The following CLIC5 variants were observed in gnomAD, a reference collection of about 807,000 sequenced individuals.
CLIC5 encodes the protein CLIC family member 5.
In CLIC5, 20 loss-of-function variants were observed where a neutral mutation model predicts 24.7. That is an observed-to-expected ratio of 0.81 (90% CI 0.57 to 1.18). The LOEUF is 1.18. Among genes scored for constraint, CLIC5 ranks in the 50% most tolerant of loss-of-function variants. The probability of loss-of-function intolerance (pLI) is 0.00; values close to 1 mark genes in which losing one functional copy is unlikely to be tolerated. For missense variants in CLIC5, 341 were observed against 326.1 expected (o/e 1.05, Z -0.35); for synonymous variants, 159 against 135.6 (o/e 1.17, Z -1.20).
At chr6:46,088,344 T>C in the CLIC5 span, among the ~76,000 whole-genome samples, 1 of 152,194 alleles carries the variant, frequency 6.6e-6, no homozygotes. Context: ...ATGCCCCAAA[T>C]TATCTGTCCC....
intron 1 of CLIC5, among the ~76,000 whole-genome samples, chr6:46,007,617 A>T (rs3777622): frequency 6.6e-6 from 1 of 152,054 alleles, no homozygotes; most frequent in East Asian, 1.9e-4. Flanking sequence ...ATGCAGCCGT[A>T]ATAGCAATGG....
At chr6:46,111,468 T>C in the CLIC5 span, among the ~76,000 whole-genome samples, 8 of 152,208 alleles carry the variant, frequency 5.3e-5, no homozygotes, top group African/African-American at 1.9e-4. Flanking sequence ...TTGCCATATA[T>C]AGAGGCCTAG....
At chr6:45,985,798 T>C (rs1765715099) in intron 1 of CLIC5, among the ~76,000 whole-genome samples, 1 of 152,148 alleles carries the variant, frequency 6.6e-6, no homozygotes, top group Non-Finnish European at 1.5e-5. Context: ...AGGGTCCTTG[T>C]AGTTGTTCTC....
chr6:45,959,611 T>G (rs999694612), intron 1 of CLIC5, among the ~76,000 whole-genome samples: 1 of 123,752 alleles, frequency 8.1e-6, no homozygotes, highest in African/African-American at 3.2e-5. Flanking sequence ...CGATCTCAGC[T>G]TATTGCAACT....
intron 1 of CLIC5, among the ~76,000 whole-genome samples, chr6:46,058,075 ATG>A (rs138296904): frequency 2.3e-4 from 18 of 78,252 alleles, no homozygotes; most frequent in Non-Finnish European, 4.2e-4. Flanking sequence ...ACCATTGTGT[ATG>A]TGTGTGTGTG....
intron 4 of CLIC5, among the ~76,000 whole-genome samples, chr6:45,931,975 A>G (rs966532890): frequency 3.9e-4 from 59 of 152,076 alleles, no homozygotes; most frequent in African/African-American, 1.3e-3. Context: ...TTAAAATAAT[A>G]GTGTCGTACA....
At chr6:46,028,448 C>T (rs79766616) in intron 1 of CLIC5, among the ~76,000 whole-genome samples, 5,993 of 152,240 alleles carry the variant, frequency 0.039, 169 homozygotes, top group Non-Finnish European at 0.065. Context: ...CAGTACTGAC[C>T]CTCTGCATGC....
chr6:46,096,081 G>T, the CLIC5 span, among the ~76,000 whole-genome samples: 1 of 152,174 alleles, frequency 6.6e-6, no homozygotes, highest in African/African-American at 2.4e-5. Flanking sequence ...CATGGCAGAA[G>T]GCAAAGCCTG....
intron 1 of CLIC5, among the ~76,000 whole-genome samples, chr6:46,078,264 G>C (rs1212197213): frequency 6.6e-6 from 1 of 152,126 alleles, no homozygotes; most frequent in East Asian, 1.9e-4. Context: ...GGAGGCTGAA[G>C]CAGGAGAATC....
chr6:45,952,500 T>C (rs1198339828), intron 2 of CLIC5, among the ~76,000 whole-genome samples: 3 of 152,204 alleles, frequency 2.0e-5, no homozygotes, highest in African/African-American at 7.2e-5. Flanking sequence ...AATAATCCTA[T>C]TGATTAAGAA....
At chr6:45,924,166 A>G (rs911256823) in intron 4 of CLIC5, among the ~76,000 whole-genome samples, 3 of 152,206 alleles carry the variant, frequency 2.0e-5, no homozygotes, top group African/African-American at 7.2e-5. Context: ...CTGCTCAGTA[A>G]ACATCGTGCT....
the CLIC5 span, among the ~76,000 whole-genome samples, chr6:46,107,226 T>C: frequency 2.0e-5 from 3 of 152,230 alleles, no homozygotes; most frequent in Non-Finnish European, 4.4e-5. Flanking sequence ...AATAGATGTT[T>C]TAAAGTGATA....
chr6:46,124,234 G>A, the CLIC5 span, among the ~76,000 whole-genome samples: 3 of 152,150 alleles, frequency 2.0e-5, no homozygotes, highest in Non-Finnish European at 4.4e-5. Flanking sequence ...CCAAAACAGA[G>A]ATATAGACCA....
intron 1 of CLIC5, among the ~76,000 whole-genome samples, chr6:46,021,939 C>G (rs571446378): frequency 9.2e-5 from 14 of 152,316 alleles, no homozygotes; most frequent in African/African-American, 3.4e-4. Context: ...AAAAAATGAT[C>G]AAAATGCTTA....
In CLIC5 at chr6:46,000,118, T is replaced by C. The variant is rs75959587; in HGVS notation, c.63+15362A>G. Among the ~76,000 whole-genome samples, 233 of 152,306 alleles carry C rather than the reference T, an allele frequency of 1.5e-3. 1 individual carries two copies. Among genetic ancestry groups the C allele is most frequent in the African/African-American group, 5.3e-3 (222 of 41,548 alleles). On this transcript the variant is annotated intron_variant, in intron 1 of 5. Transcript: ENST00000339561. ...TGTATTGTAATAATACCATATATAA[T>C]GCATATAGCCTACAAAATGTGTGTT...
chr6:45,896,847 A>G (rs56253836), downstream of CLIC5, among the ~76,000 whole-genome samples: 69,411 of 151,782 alleles, frequency 0.46, 16,432 homozygotes, highest in African/African-American at 0.58. Context: ...GATGCCCTAC[A>G]TTCACACAGT....
chr6:46,121,188 C>T, the CLIC5 span, among the ~76,000 whole-genome samples: 47 of 152,236 alleles, frequency 3.1e-4, no homozygotes, highest in South Asian at 8.8e-3. Flanking sequence ...AGAGAAAGGT[C>T]GGGTTACTCA....
At chr6:45,990,363 A>G (rs542992366) in intron 1 of CLIC5, among the ~76,000 whole-genome samples, 1 of 152,270 alleles carries the variant, frequency 6.6e-6, no homozygotes, top group South Asian at 2.1e-4. Context: ...CTAAAAATAT[A>G]ACTGCCTGAA....
intron 4 of CLIC5, 37 bp downstream of exon 4, chr6:45,941,510 C>G (rs756739929): frequency 1.3e-5 from 19 of 1,475,992 alleles, no homozygotes; most frequent in Non-Finnish European, 1.7e-5. Flanking sequence ...GCAGATAGAC[C>G]ACTGCCAAGG....
Sources: gnomAD v4.1 joint callset for allele counts (sites outside exome capture counted in the v4.1 genomes callset) on GRCh38, gnomAD v4.1.1 for gene constraint, MANE v1.5 for transcripts, NCBI Gene and HGNC (gene_info 2026-07-23, HGNC 2026-07-21) for gene names.